The following CD163L1 variants were observed in gnomAD, a reference collection of about 807,000 sequenced individuals.
CD163L1 encodes the protein scavenger receptor cysteine-rich type 1 protein M160.
CD163L1 carries 124 observed loss-of-function variants against 165.4 expected under a neutral mutation model. That is an observed-to-expected ratio of 0.75 (90% CI 0.65 to 0.87). The LOEUF (loss-of-function observed/expected upper bound fraction) is 0.87, where lower values mean the gene tolerates loss of function less well. Among genes scored for constraint, CD163L1 ranks in the 40% least tolerant of loss-of-function variants. CD163L1 has a pLI of 0.00. For synonymous variants in CD163L1, 585 were observed against 662.2 expected, an observed-to-expected ratio of 0.88 and a Z score of 1.79; for missense variants, 1,525 against 1,799.9, an observed-to-expected ratio of 0.85 and a Z score of 2.76.
In CD163L1 at chr12:7,391,988, CCCCA is replaced by C. The variant is rs958387370; in HGVS notation, c.2050+4103_2050+4106del. Reference sequence around the variant, plus strand: ...ACAATATTAATGGGAGACTTTAACACCCCACTGTGAATATTAGACAGATCAATAA... The same window carrying C: ...ACAATATTAATGGGAGACTTTAACACCTGTGAATATTAGACAGATCAATAA... On this transcript the variant is annotated intron_variant, in intron 8 of 19. Transcript: ENST00000313599. Among the ~76,000 whole-genome samples the C allele has an allele frequency of 6.1e-5, 9 of 147,002 alleles. No individual in the cohort carries two copies. The East Asian group carries it at 1.8e-3, about 30-fold the overall frequency.
Position 7,379,288 on chromosome 12 carries a change from A to G in CD163L1, c.2061T>C (p.Asp687=), listed in dbSNP as rs750496923. 6.2e-7 allele frequency: 1 copy of G among 1,613,740 alleles called. No individual in the cohort carries two copies. The highest frequency in any genetic ancestry group is 8.5e-7 in the Non-Finnish European group (1 of 1,179,742). The change falls in exon 9 of 20, where the codon GAT becomes GAC. Residue 687 remains aspartate (D), a synonymous_variant. Coordinates refer to ENST00000313599, the MANE Select transcript of CD163L1 (RefSeq NM_174941.6). The part of the protein sequence containing the change: ...DVGVICSDAS[D]MELRLVGGSS... ...TTCCACCCACAAGCCTCAGCTCCAT[A>G]TCCGATGCATCTGAAACCAAATACC...
chr12:7,414,080 C>T (rs1426120429), intron 4 of CD163L1, among the ~76,000 whole-genome samples: 3 of 152,064 alleles, frequency 2.0e-5, no homozygotes, highest in Admixed American at 1.3e-4. Flanking sequence ...AAATATGGCA[C>T]TACCAAAGGA....
chr12:7,442,222 C>T (rs1214524617), intron 1 of CD163L1, among the ~76,000 whole-genome samples: 2 of 152,044 alleles, frequency 1.3e-5, no homozygotes, highest in Admixed American at 6.5e-5. Flanking sequence ...ATAGTATTTT[C>T]ATTAGTATCT....
chr12:7,405,847 T>C (rs1345219939), intron 5 of CD163L1, among the ~76,000 whole-genome samples: 1 of 152,196 alleles, frequency 6.6e-6, no homozygotes, highest in Non-Finnish European at 1.5e-5. Flanking sequence ...AAGGTGTGGG[T>C]TTAATCTTAT....
intron 8 of CD163L1, among the ~76,000 whole-genome samples, chr12:7,394,284 T>C (rs1303842170): frequency 6.6e-6 from 1 of 151,906 alleles, no homozygotes; most frequent in African/African-American, 2.4e-5. Flanking sequence ...TCAGAAATAA[T>C]GCCACATAGC....
intron 8 of CD163L1, among the ~76,000 whole-genome samples, chr12:7,382,007 A>G (rs1313535179): frequency 2.7e-5 from 4 of 148,070 alleles, no homozygotes; most frequent in Non-Finnish European, 6.0e-5. Flanking sequence ...TTATATATTT[A>G]TATATAATGG....
intron 6 of CD163L1, among the ~76,000 whole-genome samples, chr12:7,402,722 A>G (rs758055832): frequency 8.6e-5 from 13 of 151,500 alleles, no homozygotes; most frequent in Non-Finnish European, 1.9e-4. Context: ...TGCAGCCTCG[A>G]ATTTCTGGGA....
intron 18 of CD163L1, among the ~76,000 whole-genome samples, chr12:7,363,806 T>G (rs1182282384): frequency 6.7e-6 from 1 of 149,510 alleles, no homozygotes; most frequent in Non-Finnish European, 1.5e-5. Context: ...AAAAAACCTC[T>G]CACTAAAGAA....
chr12:7,438,098 T>C (rs1948763922), intron 2 of CD163L1, among the ~76,000 whole-genome samples: 2 of 152,176 alleles, frequency 1.3e-5, no homozygotes, highest in Admixed American at 6.5e-5. Flanking sequence ...TCTTCTCCAC[T>C]GCATTTTCTA....
In CD163L1 at chr12:7,396,375, G is replaced by A. The variant is rs2136498229; in HGVS notation, c.1770C>T (p.Asn590=). 6.2e-7 allele frequency: 1 copy of A among 1,610,768 alleles called. No homozygotes were observed. Among genetic ancestry groups the A allele is most frequent in the Non-Finnish European group, 8.5e-7 (1 of 1,177,508 alleles). The change falls in exon 8 of 20, where the codon AAC becomes AAT. Residue 590 remains asparagine (N), a synonymous_variant. Transcript: ENST00000313599. ...ACACCTCCAGTCTTCCCGAGCAGCG[G>A]TTGCTGCCGCCCACCAGCCTCAGGC... ...TWGLRLVGGS[N]RCSGRLEVYF...
At chr12:7,439,849 G>C (rs10845176) in intron 2 of CD163L1, 1,075,060 of 1,611,556 alleles carry the variant, frequency 0.67, 378,076 homozygotes, top group Non-Finnish European at 0.73. Context: ...GTCGCCAAAG[G>C]CCTCCGCTCC....
At chr12:7,394,579 CA>C (rs1202304187) in intron 8 of CD163L1, among the ~76,000 whole-genome samples, 2 of 152,042 alleles carry the variant, frequency 1.3e-5, no homozygotes, top group African/African-American at 4.8e-5. Flanking sequence ...CAACAAAAGC[CA>C]AAATTGACAA....
rs755794640 is a variant in CD163L1, at chr12:7,403,421, T to G, written c.1408+114A>C. The G allele has an allele frequency of 8.6e-5, 85 of 986,124 alleles. No homozygotes were observed. The Middle Eastern group carries it at 2.2e-3, about 26-fold the overall frequency. 61.1% of individuals were successfully genotyped at this position (986,124 alleles called of 1,614,324 possible). A position where few individuals can be genotyped will look rare whatever the true frequency, so the allele number is the denominator to read the frequency against. On this transcript the variant is annotated intron_variant, in intron 6 of 19. Transcript: ENST00000313599. ...TTCTTTGTGCAGCTTAAGAGTATTT[T>G]GGGTTTTTTTTTAAGGTCCAGAAAA...
the CD163L1 span, among the ~76,000 whole-genome samples, chr12:7,319,947 C>G: frequency 1.3e-5 from 2 of 152,172 alleles, no homozygotes; most frequent in African/African-American, 4.8e-5. Flanking sequence ...ATTACACTTT[C>G]TAAAAATAAT....
intron 18 of CD163L1, among the ~76,000 whole-genome samples, chr12:7,364,932 T>G (rs1418043284): frequency 6.6e-6 from 1 of 152,106 alleles, no homozygotes; most frequent in Non-Finnish European, 1.5e-5. Context: ...CAATCATAAA[T>G]TTTAGATGGA....
chr12:7,388,810 C>A (rs1166417533), intron 8 of CD163L1, among the ~76,000 whole-genome samples: 1 of 148,234 alleles, frequency 6.7e-6, no homozygotes, highest in Admixed American at 6.7e-5. Context: ...AATAAGATAA[C>A]AATATGGAGA....
intron 7 of CD163L1, among the ~76,000 whole-genome samples, chr12:7,397,252 T>C (rs1315893933): frequency 6.6e-6 from 1 of 152,170 alleles, no homozygotes; most frequent in Non-Finnish European, 1.5e-5. Flanking sequence ...CTGCTCCCCA[T>C]TGCACTGGAC....
chr12:7,439,168 C>T lies in CD163L1; in HGVS notation c.124+1986G>A, dbSNP rs756957042. 5.1e-6 allele frequency: 8 copies of T among 1,575,220 alleles called. No individual in the cohort carries two copies. The East Asian group carries it at 1.6e-4, about 31-fold the overall frequency. ...CGGAATGTAGCCCTTCATTGTCATCCTCCGGAAAGGGGGAATCATTAAGTA... is the reference window on the plus strand; with the variant it reads ...CGGAATGTAGCCCTTCATTGTCATCTTCCGGAAAGGGGGAATCATTAAGTA... On this transcript the variant is annotated intron_variant, in intron 2 of 19. Transcript: ENST00000313599.
intron 18 of CD163L1, among the ~76,000 whole-genome samples, chr12:7,362,366 A>G (rs1418856856): frequency 7.3e-6 from 1 of 137,560 alleles, no homozygotes; most frequent in Non-Finnish European, 1.5e-5. Flanking sequence ...AATATATTAA[A>G]TATATATTAT....
Sources: gnomAD v4.1 joint callset for allele counts (sites outside exome capture counted in the v4.1 genomes callset) on GRCh38, gnomAD v4.1.1 for gene constraint, MANE v1.5 for transcripts, NCBI Gene and HGNC (gene_info 2026-07-23, HGNC 2026-07-21) for gene names.